The following TSPAN18 variants were observed in gnomAD, a reference collection of about 807,000 sequenced individuals.
TSPAN18 encodes the protein tetraspanin 18.
Under a neutral mutation model 27.3 loss-of-function variants are expected in TSPAN18, and 14 were observed. The ratio of observed to expected loss-of-function variants is 0.51; its 90% confidence interval spans 0.34 to 0.80. The LOEUF is 0.80. TSPAN18 is among the 30% of genes least tolerant of loss of function. The probability of loss-of-function intolerance (pLI) is 0.01; values close to 1 mark genes in which losing one functional copy is unlikely to be tolerated. For missense variants in TSPAN18, 268 were observed against 323.9 expected, an observed-to-expected ratio of 0.83 and a Z score of 1.32; for synonymous variants, 143 against 136.5, an observed-to-expected ratio of 1.05 and a Z score of -0.33.
chr11:44,780,729 C>T (rs893626892), intron 2 of TSPAN18, among the ~76,000 whole-genome samples: 4 of 152,244 alleles, frequency 2.6e-5, no homozygotes, highest in Non-Finnish European at 5.9e-5. Context: ...ACCCCCAAGC[C>T]TCTGTCTATT....
intron 2 of TSPAN18, among the ~76,000 whole-genome samples, chr11:44,837,644 T>C (rs1225046095): frequency 1.3e-5 from 2 of 152,222 alleles, no homozygotes; most frequent in East Asian, 1.9e-4. Flanking sequence ...AGTTGATCGG[T>C]GTGGCAAACT....
At chr11:44,728,494 T>G (rs1405505930) in intron 1 of TSPAN18, among the ~76,000 whole-genome samples, 1 of 151,962 alleles carries the variant, frequency 6.6e-6, no homozygotes, top group Non-Finnish European at 1.5e-5. Context: ...TGGGGTATCC[T>G]CTCTCTGGGC....
chr11:44,771,748 A>T (rs1855694123), intron 2 of TSPAN18, among the ~76,000 whole-genome samples: 1 of 152,248 alleles, frequency 6.6e-6, no homozygotes, highest in African/African-American at 2.4e-5. Flanking sequence ...TGAGTAAACT[A>T]GAGATGATTT....
intron 2 of TSPAN18, among the ~76,000 whole-genome samples, chr11:44,765,714 C>G (rs1565139197): frequency 6.6e-6 from 1 of 152,206 alleles, no homozygotes; most frequent in Non-Finnish European, 1.5e-5. Context: ...GTGTCTTTTG[C>G]TTACTTCAGT....
chr11:44,738,508 T>C (rs1854852658), intron 1 of TSPAN18, among the ~76,000 whole-genome samples: 1 of 152,180 alleles, frequency 6.6e-6, no homozygotes, highest in South Asian at 2.1e-4. Flanking sequence ...ATTACATAAA[T>C]TAATTCATGT....
intron 3 of TSPAN18, among the ~76,000 whole-genome samples, chr11:44,874,124 C>G (rs1019075979): frequency 2.0e-5 from 3 of 152,158 alleles, no homozygotes; most frequent in Non-Finnish European, 4.4e-5. Context: ...ACCATGGAGC[C>G]GTGCACTCCT....
At chr11:44,789,069 G>T (rs2134974592) in intron 2 of TSPAN18, among the ~76,000 whole-genome samples, 1 of 152,340 alleles carries the variant, frequency 6.6e-6, no homozygotes, top group Non-Finnish European at 1.5e-5. Flanking sequence ...AAGACTTGCG[G>T]ATTTTCCCTT....
At chr11:44,920,047 G>A (rs769063067) in intron 8 of TSPAN18, 48 bp downstream of exon 8, 9 of 1,573,534 alleles carry the variant, frequency 5.7e-6, no homozygotes, top group Non-Finnish European at 7.8e-6. Flanking sequence ...TCGGGATTTG[G>A]GTGGCCAGAG....
intron 2 of TSPAN18, among the ~76,000 whole-genome samples, chr11:44,786,568 A>G (rs1856061920): frequency 6.7e-6 from 1 of 149,520 alleles, no homozygotes; most frequent in Non-Finnish European, 1.5e-5. Context: ...AAGTTGCCCC[A>G]GGATCTAGGG....
At chr11:44,905,673 G>A (rs890178470) in intron 3 of TSPAN18, among the ~76,000 whole-genome samples, 1 of 152,244 alleles carries the variant, frequency 6.6e-6, no homozygotes, top group Admixed American at 6.5e-5. Context: ...GCAAGCAGCG[G>A]ATGCTCAATC....
At chr11:44,809,364 C>G (rs564701448) in intron 2 of TSPAN18, among the ~76,000 whole-genome samples, 23 of 152,002 alleles carry the variant, frequency 1.5e-4, no homozygotes, top group Admixed American at 1.3e-3. Flanking sequence ...ATCCCCAGGA[C>G]CCGGCATGGC....
intron 2 of TSPAN18, among the ~76,000 whole-genome samples, chr11:44,816,675 C>T (rs1281757055): frequency 6.6e-6 from 1 of 152,232 alleles, no homozygotes; most frequent in African/African-American, 2.4e-5. Context: ...CTGGTAGCTT[C>T]TCCCATGTCC....
At chr11:44,727,736 G>A (rs1194106116) in intron 1 of TSPAN18, among the ~76,000 whole-genome samples, 1 of 152,250 alleles carries the variant, frequency 6.6e-6, no homozygotes, top group Non-Finnish European at 1.5e-5. Context: ...CGGGAGGGCT[G>A]TGGGGCCCGG....
chr11:44,740,268 C>T (rs920737049), intron 1 of TSPAN18, among the ~76,000 whole-genome samples: 2 of 152,176 alleles, frequency 1.3e-5, no homozygotes, highest in Non-Finnish European at 2.9e-5. Context: ...GATGTGTGAC[C>T]GGGAGACCCG....
At chr11:44,867,778 A>C (rs938997554) in intron 3 of TSPAN18, among the ~76,000 whole-genome samples, 24 of 152,174 alleles carry the variant, frequency 1.6e-4, no homozygotes, top group African/African-American at 5.8e-4. Flanking sequence ...AGGGATCAGC[A>C]CATGCAAAGT....
At chr11:44,780,503 G>C (rs1855913501) in intron 2 of TSPAN18, among the ~76,000 whole-genome samples, 1 of 152,214 alleles carries the variant, frequency 6.6e-6, no homozygotes, top group Non-Finnish European at 1.5e-5. Flanking sequence ...AACACTTACT[G>C]ACAGCAGCGA....
At chr11:44,877,994 C>G (rs1300857321) in intron 3 of TSPAN18, among the ~76,000 whole-genome samples, 1 of 152,032 alleles carries the variant, frequency 6.6e-6, no homozygotes, top group East Asian at 1.9e-4. Context: ...CACGTGCACA[C>G]ACACAGACAC....
At chr11:44,776,972 C>G (rs905266016) in intron 2 of TSPAN18, among the ~76,000 whole-genome samples, 1 of 152,204 alleles carries the variant, frequency 6.6e-6, no homozygotes, top group Non-Finnish European at 1.5e-5. Flanking sequence ...GAAAGATACC[C>G]CCTCTCACAA....
intron 1 of TSPAN18, among the ~76,000 whole-genome samples, chr11:44,748,555 T>C (rs772448900): frequency 6.6e-5 from 10 of 152,176 alleles, no homozygotes; most frequent in Non-Finnish European, 1.2e-4. Context: ...TATATCAGTA[T>C]TTTAGCCTTT....
Sources: gnomAD v4.1 joint callset for allele counts (sites outside exome capture counted in the v4.1 genomes callset) on GRCh38, gnomAD v4.1.1 for gene constraint, MANE v1.5 for transcripts, NCBI Gene and HGNC (gene_info 2026-07-23, HGNC 2026-07-21) for gene names.